SPTSSB: variants seen among roughly 807,000 people sequenced by gnomAD.
SPTSSB encodes the protein androgen down regulated in mouse prostate.
In SPTSSB, 6 loss-of-function variants were observed where a neutral mutation model predicts 7.7. The observed-to-expected ratio is 0.78, with a 90% CI of 0.43 to 1.54. SPTSSB has a LOEUF of 1.54. SPTSSB is among the 40% of genes most tolerant of loss of function. SPTSSB has a pLI of 0.01. For synonymous variants in SPTSSB, 28 were observed against 29.7 expected (o/e 0.94, Z 0.19); for missense variants, 91 against 93.0 (o/e 0.98, Z 0.09).
chr3:161,367,052 C>T (rs934726680), intron 1 of SPTSSB, among the ~76,000 whole-genome samples: 1 of 152,298 alleles, frequency 6.6e-6, no homozygotes, highest in African/African-American at 2.4e-5. Flanking sequence ...TGGCAGACGC[C>T]TGTAATCCCA....
chr3:161,364,677 A>AAT (rs1185651719), intron 1 of SPTSSB, among the ~76,000 whole-genome samples: 3 of 151,134 alleles, frequency 2.0e-5, no homozygotes, highest in African/African-American at 4.9e-5. Context: ...ATATATATAT[A>AAT]ATATATATTT....
At chr3:161,369,314 C>CTTTCTTTCTCTTTCTT (rs1278233391) in intron 1 of SPTSSB, among the ~76,000 whole-genome samples, 47 of 65,718 alleles carry the variant, frequency 7.2e-4, no homozygotes, top group African/African-American at 3.2e-3. Flanking sequence ...TTCTTTCTTT[C>CTTTCTTTCTCTTTCTT]TCTTTCTTTC....
intron 1 of SPTSSB, among the ~76,000 whole-genome samples, chr3:161,370,343 T>C (rs562552294): frequency 1.5e-4 from 23 of 152,320 alleles, no homozygotes; most frequent in African/African-American, 5.3e-4. Context: ...TAAATAGTTG[T>C]AAATAAATAT....
intron 1 of SPTSSB, among the ~76,000 whole-genome samples, chr3:161,368,553 A>G (rs1384779191): frequency 1.3e-5 from 2 of 150,914 alleles, no homozygotes; most frequent in Non-Finnish European, 3.0e-5. Flanking sequence ...CAGCCTCCCA[A>G]GTAGCTGGGA....
intron 1 of SPTSSB, among the ~76,000 whole-genome samples, chr3:161,369,794 C>T (rs921659034): frequency 2.6e-5 from 4 of 151,970 alleles, no homozygotes; most frequent in Non-Finnish European, 5.9e-5. Context: ...AGTGGCTGCA[C>T]CCATCCTTAC....
At chr3:161,358,983 A>C (rs2108163168) in intron 2 of SPTSSB, among the ~76,000 whole-genome samples, 1 of 152,296 alleles carries the variant, frequency 6.6e-6, no homozygotes, top group East Asian at 1.9e-4. Flanking sequence ...TTGGGAAGCA[A>C]TCATTCATAA....
chr3:161,359,994 A>C (rs1482675266), intron 1 of SPTSSB, 100 bp from the exon 2 acceptor site: 2 of 155,674 alleles, frequency 1.3e-5, no homozygotes, highest in Non-Finnish European at 2.8e-5. Context: ...CTAGATGGAT[A>C]ATCTCTCACA....
At chr3:161,353,562 C>A (rs1260079512) in intron 2 of SPTSSB, among the ~76,000 whole-genome samples, 1 of 151,908 alleles carries the variant, frequency 6.6e-6, no homozygotes, top group East Asian at 1.9e-4. Flanking sequence ...GTGGGCTGTG[C>A]ACTGCACAAC....
intron 2 of SPTSSB, among the ~76,000 whole-genome samples, chr3:161,347,706 T>C (rs1714320060): frequency 6.6e-6 from 1 of 151,904 alleles, no homozygotes. Context: ...ACCCTGTCTG[T>C]ACTAAAAATA....
At chr3:161,347,521 C>A (rs530446192) in intron 2 of SPTSSB, among the ~76,000 whole-genome samples, 1 of 152,166 alleles carries the variant, frequency 6.6e-6, no homozygotes, top group East Asian at 2.0e-4. Context: ...CTCAGCCTCT[C>A]AAAGTGCTGG....
chr3:161,348,699 A>T (rs336575), intron 2 of SPTSSB, among the ~76,000 whole-genome samples: 18,515 of 151,164 alleles, frequency 0.12, 1,243 homozygotes, highest in East Asian at 0.24. Context: ...GATTAAAAAA[A>T]TTTTTTTTTT....
chr3:161,356,226 TG>T (rs1714764942), intron 2 of SPTSSB, among the ~76,000 whole-genome samples: 1 of 152,214 alleles, frequency 6.6e-6, no homozygotes, highest in Admixed American at 6.5e-5. Flanking sequence ...ACAGTACTTG[TG>T]GGAACTGTGA....
chr3:161,349,766 C>T (rs775984327), intron 2 of SPTSSB, among the ~76,000 whole-genome samples: 13 of 152,192 alleles, frequency 8.5e-5, no homozygotes, highest in Non-Finnish European at 1.6e-4. Flanking sequence ...GTGATAATAC[C>T]GGCTGTAGCC....
chr3:161,360,671 C>T (rs79201270), intron 1 of SPTSSB, among the ~76,000 whole-genome samples: 4,597 of 152,174 alleles, frequency 0.03, 99 homozygotes, highest in South Asian at 0.12. Flanking sequence ...AAGAAAAGTA[C>T]GTATCATCAA....
At chr3:161,362,329 GA>G (rs1223346593) in intron 1 of SPTSSB, among the ~76,000 whole-genome samples, 1 of 152,098 alleles carries the variant, frequency 6.6e-6, no homozygotes, top group Non-Finnish European at 1.5e-5. Flanking sequence ...TATTAAGTAA[GA>G]ATCTTCCACT....
At chr3:161,367,300 A>C (rs1191148383) in intron 1 of SPTSSB, among the ~76,000 whole-genome samples, 1 of 152,254 alleles carries the variant, frequency 6.6e-6, no homozygotes, top group Non-Finnish European at 1.5e-5. Flanking sequence ...CATGGTCAAA[A>C]CCCACACAAA....
intron 1 of SPTSSB, among the ~76,000 whole-genome samples, chr3:161,366,089 A>G (rs1715206485): frequency 6.6e-6 from 1 of 152,202 alleles, no homozygotes; most frequent in Non-Finnish European, 1.5e-5. Context: ...TTCAAACGGT[A>G]TTAACTTTGG....
chr3:161,362,578 A>G (rs1289872325), intron 1 of SPTSSB, among the ~76,000 whole-genome samples: 2 of 152,152 alleles, frequency 1.3e-5, no homozygotes, highest in Non-Finnish European at 2.9e-5. Flanking sequence ...ATCAGAATCT[A>G]TAGCTAATCA....
intron 2 of SPTSSB, among the ~76,000 whole-genome samples, chr3:161,349,720 G>A (rs1714434822): frequency 6.6e-6 from 1 of 152,216 alleles, no homozygotes; most frequent in Non-Finnish European, 1.5e-5. Context: ...GGGGTACAGT[G>A]GCCTGGATAC....
Sources: allele counts gnomAD v4.1 joint callset (sites outside exome capture counted in the v4.1 genomes callset), GRCh38; gene constraint gnomAD v4.1.1; transcripts MANE v1.5; gene names NCBI Gene and HGNC (gene_info 2026-07-23, HGNC 2026-07-21).